Variants in ROBO1 observed in about 807,000 individuals in gnomAD.
ROBO1 encodes the protein roundabout homolog 1.
ROBO1 carries 149 observed loss-of-function variants against 195.9 expected under a neutral mutation model. The observed-to-expected ratio is 0.76, with a 90% confidence interval of 0.67 to 0.87. The LOEUF (loss-of-function observed/expected upper bound fraction) is 0.87, where lower values mean the gene tolerates loss of function less well. ROBO1 is among the 40% of genes least tolerant of loss of function. ROBO1 has a pLI of 0.00. For synonymous variants in ROBO1, 816 were observed against 733.2 expected (o/e 1.11, Z -1.82); for missense variants, 1,933 against 2,068.3 (o/e 0.93, Z 1.27).
intron 2 of ROBO1, among the ~76,000 whole-genome samples, chr3:79,264,043 G>A (rs1016251588): frequency 1.3e-5 from 2 of 151,846 alleles, no homozygotes; most frequent in East Asian, 1.9e-4. Context: ...ACACTTAACC[G>A]GTGTGTAAGC....
rs185484528 is a variant in ROBO1, at chr3:79,619,536, C to T, written c.-50-29575G>A. Among the ~76,000 whole-genome samples the T allele has an allele frequency of 3.4e-3, 512 of 152,224 alleles. 7 individuals are homozygous for T. Among genetic ancestry groups the T allele is most frequent in the Non-Finnish European group, 2.4e-3 (160 of 68,014 alleles). On this transcript the variant is annotated intron_variant, in intron 1 of 30. Coordinates refer to ENST00000464233, the MANE Select transcript of ROBO1 (RefSeq NM_002941.4). ...GATCTAGATAACCCTTCTATTACCTCCCTTCCTCACACCCAGTCTGGCTTA... is the reference window on the plus strand; with the variant it reads ...GATCTAGATAACCCTTCTATTACCTTCCTTCCTCACACCCAGTCTGGCTTA...
At chr3:79,278,944 G>A (rs1482348726) in intron 2 of ROBO1, among the ~76,000 whole-genome samples, 1 of 152,004 alleles carries the variant, frequency 6.6e-6, no homozygotes, top group Non-Finnish European at 1.5e-5. Flanking sequence ...ACTCATTTAA[G>A]GGGTTTAATA....
intron 26 of ROBO1, among the ~76,000 whole-genome samples, chr3:78,618,725 T>A (rs1049090884): frequency 3.9e-5 from 6 of 152,230 alleles, no homozygotes; most frequent in South Asian, 2.1e-4. Context: ...CTATCTTTTT[T>A]AAAAATATAT....
intron 4 of ROBO1, among the ~76,000 whole-genome samples, chr3:78,846,623 A>G (rs1481513718): frequency 6.6e-6 from 1 of 152,146 alleles, no homozygotes; most frequent in Non-Finnish European, 1.5e-5. Context: ...CACCACTATC[A>G]GATCATTTTG....
At chr3:79,141,819 A>G (rs1576728306) in intron 2 of ROBO1, among the ~76,000 whole-genome samples, 2 of 152,120 alleles carry the variant, frequency 1.3e-5, no homozygotes, top group South Asian at 2.1e-4. Context: ...TTTTAAAATG[A>G]CATTCCCATT....
chr3:79,095,340 A>G (rs967675685), intron 3 of ROBO1, among the ~76,000 whole-genome samples: 1 of 152,068 alleles, frequency 6.6e-6, no homozygotes, highest in Non-Finnish European at 1.5e-5. Flanking sequence ...AAGACATTGT[A>G]GCTTCTTGCT....
intron 2 of ROBO1, among the ~76,000 whole-genome samples, chr3:79,529,678 C>T (rs1399908856): frequency 6.6e-6 from 1 of 152,110 alleles, no homozygotes; most frequent in Non-Finnish European, 1.5e-5. Flanking sequence ...GGACGATTCA[C>T]AATTTTAGAC....
chr3:78,963,737 T>A (rs934328998), intron 3 of ROBO1, among the ~76,000 whole-genome samples: 5 of 151,956 alleles, frequency 3.3e-5, no homozygotes, highest in Non-Finnish European at 7.4e-5. Context: ...CAGGATGGTC[T>A]CGATCTCCTG....
At chr3:79,061,586 A>C (rs150042732) in intron 3 of ROBO1, among the ~76,000 whole-genome samples, 1 of 152,314 alleles carries the variant, frequency 6.6e-6, no homozygotes, top group Non-Finnish European at 1.5e-5. Context: ...ACATCACACT[A>C]CCTGACTTCA....
At chr3:79,068,304 A>G (rs1025298943) in intron 3 of ROBO1, among the ~76,000 whole-genome samples, 2 of 151,806 alleles carry the variant, frequency 1.3e-5, no homozygotes, top group Non-Finnish European at 2.9e-5. Context: ...GCAATGAATG[A>G]TATGGATGTT....
intron 2 of ROBO1, among the ~76,000 whole-genome samples, chr3:79,185,912 T>C (rs1303142676): frequency 6.6e-6 from 1 of 152,184 alleles, no homozygotes; most frequent in Non-Finnish European, 1.5e-5. Flanking sequence ...GTAAATTTTA[T>C]GTCACCAGAT....
intron 4 of ROBO1, among the ~76,000 whole-genome samples, chr3:78,908,535 G>A (rs2038061442): frequency 6.6e-6 from 1 of 151,938 alleles, no homozygotes; most frequent in Non-Finnish European, 1.5e-5. Context: ...AAAAATTACT[G>A]TATTTGGCAC....
At chr3:79,038,562 T>C (rs2078423436) in intron 3 of ROBO1, among the ~76,000 whole-genome samples, 1 of 152,178 alleles carries the variant, frequency 6.6e-6, no homozygotes, top group Non-Finnish European at 1.5e-5. Flanking sequence ...AGTAAACTTC[T>C]ACCTGTATAC....
intron 2 of ROBO1, among the ~76,000 whole-genome samples, chr3:79,435,631 G>A (rs1156571029): frequency 6.6e-6 from 1 of 152,102 alleles, no homozygotes; most frequent in Non-Finnish European, 1.5e-5. Context: ...ATTCCTGTAG[G>A]AACCACCAGA....
chr3:79,387,278 T>C (rs970997449), intron 2 of ROBO1, among the ~76,000 whole-genome samples: 5 of 152,078 alleles, frequency 3.3e-5, no homozygotes, highest in African/African-American at 9.6e-5. Context: ...TAGCAAAAAA[T>C]TTGTAGCAGT....
At chr3:78,701,581 G>A (rs1250653220) in intron 8 of ROBO1, among the ~76,000 whole-genome samples, 1 of 152,136 alleles carries the variant, frequency 6.6e-6, no homozygotes, top group Non-Finnish European at 1.5e-5. Context: ...TATATTTAGT[G>A]ATTAAGTATA....
intron 1 of ROBO1, among the ~76,000 whole-genome samples, chr3:79,708,900 A>G (rs1223465056): frequency 6.6e-6 from 1 of 152,124 alleles, no homozygotes; most frequent in African/African-American, 2.4e-5. Context: ...AATATGATGA[A>G]TAGGAGAATA....
At chr3:79,018,428 C>T (rs2078010166) in intron 3 of ROBO1, 7 of 1,613,674 alleles carry the variant, frequency 4.3e-6, no homozygotes, top group Non-Finnish European at 5.1e-6. Context: ...CATATTAATC[C>T]AAACAGGTAA....
intron 8 of ROBO1, among the ~76,000 whole-genome samples, chr3:78,690,280 C>CT (rs58219909): frequency 1.1e-4 from 16 of 150,516 alleles, no homozygotes; most frequent in East Asian, 9.8e-4. Flanking sequence ...TTTCTATACT[C>CT]TTTTTTTTTA....
Sources: allele counts gnomAD v4.1 joint callset (sites outside exome capture counted in the v4.1 genomes callset), GRCh38; gene constraint gnomAD v4.1.1; transcripts MANE v1.5; gene names NCBI Gene and HGNC (gene_info 2026-07-23, HGNC 2026-07-21).